The following PCCB variants were observed in gnomAD, a reference collection of about 807,000 sequenced individuals.
PCCB encodes propionyl-CoA carboxylase beta chain, mitochondrial.
In PCCB, 43 loss-of-function variants were observed where a neutral mutation model predicts 60.7. The observed-to-expected ratio is 0.71, with a 90% CI of 0.55 to 0.91. PCCB has a LOEUF of 0.91. PCCB is among the 40% of genes least tolerant of loss of function. PCCB has a pLI of 0.00. For missense variants in PCCB, 766 were observed against 702.8 expected, an observed-to-expected ratio of 1.09 and a Z score of -1.02; for synonymous variants, 276 against 255.9, an observed-to-expected ratio of 1.08 and a Z score of -0.75.
At chr3:136,254,325 T>C (rs910763354) in intron 1 of PCCB, among the ~76,000 whole-genome samples, 3 of 151,734 alleles carry the variant, frequency 2.0e-5, no homozygotes, top group Non-Finnish European at 2.9e-5. Context: ...TTCAAGCGAT[T>C]CTCTTGCCTC....
chr3:136,301,122 C>T lies in PCCB; in HGVS notation c.966+11C>T, dbSNP rs572641617. On this transcript the variant is annotated intron_variant, in intron 9 of 14. Coordinates refer to ENST00000251654, the MANE Select transcript of PCCB (RefSeq NM_000532.5). ...GACATCATACACTCTGTAAGTGCCA[C>T]ATCTGTTTGTCTTGCCTGTCCTAGT... The T allele has an allele frequency of 1.2e-6, 2 of 1,604,918 alleles. No homozygotes were observed. The highest frequency in any genetic ancestry group is 1.1e-5 in the South Asian group (1 of 90,924).
chr3:136,257,926 C>G (rs1301273761), intron 3 of PCCB, among the ~76,000 whole-genome samples: 1 of 152,072 alleles, frequency 6.6e-6, no homozygotes, highest in Non-Finnish European at 1.5e-5. Flanking sequence ...GAGTGAGACT[C>G]CATCTCAAAC....
At chr3:136,298,205 G>C (rs1934024792) in intron 8 of PCCB, 133 bp downstream of exon 8, 1 of 1,063,638 alleles carries the variant, frequency 9.4e-7, no homozygotes, top group Non-Finnish European at 1.4e-6. Flanking sequence ...CCAGGTGTGG[G>C]GATGATGTCA....
intron 10 of PCCB, among the ~76,000 whole-genome samples, chr3:136,321,533 A>G (rs775453223): frequency 2.2e-4 from 33 of 152,210 alleles, no homozygotes; most frequent in Non-Finnish European, 2.9e-5. Context: ...AAGTGCAGGC[A>G]GGGGAAATGC....
chr3:136,307,162 A>G (rs542839812), intron 9 of PCCB, among the ~76,000 whole-genome samples: 1 of 122,664 alleles, frequency 8.2e-6, no homozygotes, highest in African/African-American at 2.5e-5. Flanking sequence ...AGACTGCAGA[A>G]AACCAGTTTT....
chr3:136,278,539 A>G (rs1942392587), intron 5 of PCCB, among the ~76,000 whole-genome samples: 1 of 152,034 alleles, frequency 6.6e-6, no homozygotes, highest in Non-Finnish European at 1.5e-5. Flanking sequence ...TCTCTTGTAG[A>G]TTCTTCTTTT....
chr3:136,250,851 G>T (rs902319778), intron 1 of PCCB, among the ~76,000 whole-genome samples: 4 of 152,220 alleles, frequency 2.6e-5, no homozygotes, highest in African/African-American at 9.6e-5. Flanking sequence ...TTAAATCTCT[G>T]TGGGTCATTT....
chr3:136,300,132 A>G (rs569135319), intron 8 of PCCB, among the ~76,000 whole-genome samples: 3 of 151,680 alleles, frequency 2.0e-5, no homozygotes, highest in East Asian at 1.9e-4. Flanking sequence ...GTATATATGT[A>G]TATCTACACA....
intron 6 of PCCB, among the ~76,000 whole-genome samples, chr3:136,287,740 TAA>T (rs1933485028): frequency 6.6e-6 from 1 of 152,226 alleles, no homozygotes; most frequent in Non-Finnish European, 1.5e-5. Context: ...CCAGTTATAG[TAA>T]ATATTTCTTA....
At chr3:136,308,807 ATCT>A (rs1427967172) in intron 9 of PCCB, among the ~76,000 whole-genome samples, 1 of 152,202 alleles carries the variant, frequency 6.6e-6, no homozygotes, top group Non-Finnish European at 1.5e-5. Context: ...CGGGAAATAA[ATCT>A]TCTAGTAAAC....
chr3:136,313,823 A>G (rs190366607), intron 9 of PCCB, among the ~76,000 whole-genome samples: 28 of 152,300 alleles, frequency 1.8e-4, no homozygotes, highest in African/African-American at 6.3e-4. Flanking sequence ...GCAGTTCTGA[A>G]ACCATTTTCT....
intron 9 of PCCB, among the ~76,000 whole-genome samples, chr3:136,312,610 A>G (rs1009244739): frequency 2.6e-5 from 4 of 152,324 alleles, no homozygotes; most frequent in Admixed American, 2.0e-4. Flanking sequence ...ATAAACTACA[A>G]ATGGGTCAGA....
At chr3:136,277,208 T>G (rs906146307) in intron 5 of PCCB, among the ~76,000 whole-genome samples, 1 of 152,196 alleles carries the variant, frequency 6.6e-6, no homozygotes, top group Non-Finnish European at 1.5e-5. Context: ...AGTAGTGAAC[T>G]GGTCACGTGG....
intron 9 of PCCB, among the ~76,000 whole-genome samples, chr3:136,313,359 A>C (rs960600637): frequency 6.6e-6 from 1 of 151,926 alleles, no homozygotes; most frequent in African/African-American, 2.4e-5. Context: ...TGGTTGAATA[A>C]ACTTTGGTAC....
rs761090456 is a variant in PCCB at position 136,326,944 on chromosome 3, T to TG, written c.1198+35dup. 3 of 1,416,378 alleles carry TG rather than the reference T, an allele frequency of 2.1e-6. No homozygotes were observed. In the South Asian group the frequency reaches 3.4e-5, roughly 16 times the overall value. 87.7% of individuals were successfully genotyped at this position (1,416,378 alleles called of 1,614,324 possible). A position where few individuals can be genotyped will look rare whatever the true frequency, so the allele number is the denominator to read the frequency against. The stretch of plus-strand genomic sequence containing the variant: ...TTGACAGAGTGGGGGCTAGGAGAGT[T>TG]GCCTTTCCCAGTAAGGTGCCCACTT... On this transcript the variant is annotated intron_variant, in intron 11 of 14. Coordinates refer to ENST00000251654, the MANE Select transcript of PCCB (RefSeq NM_000532.5).
intron 7 of PCCB, among the ~76,000 whole-genome samples, chr3:136,295,562 T>A (rs772329532): frequency 2.6e-5 from 4 of 152,256 alleles, no homozygotes; most frequent in Non-Finnish European, 5.9e-5. Context: ...AGCCTGTTTT[T>A]CTTGCTGGTA....
At chr3:136,298,455 A>G (rs1165143367) in intron 8 of PCCB, among the ~76,000 whole-genome samples, 1 of 152,198 alleles carries the variant, frequency 6.6e-6, no homozygotes, top group Non-Finnish European at 1.5e-5. Context: ...AGGAAGAGCC[A>G]TGATTCTTCT....
chr3:136,308,358 C>G (rs1201718936), intron 9 of PCCB, among the ~76,000 whole-genome samples: 2 of 151,844 alleles, frequency 1.3e-5, no homozygotes, highest in Non-Finnish European at 2.9e-5. Context: ...CTCAGCTTCC[C>G]AGGAAGGACA....
At chr3:136,253,456 C>T (rs796659629) in intron 1 of PCCB, among the ~76,000 whole-genome samples, 48 of 151,954 alleles carry the variant, frequency 3.2e-4, no homozygotes, top group African/African-American at 1.1e-3. Context: ...GTGATCGTGG[C>T]TCACTACAAC....
Sources: gnomAD v4.1 joint callset for allele counts (sites outside exome capture counted in the v4.1 genomes callset) on GRCh38, gnomAD v4.1.1 for gene constraint, MANE v1.5 for transcripts, NCBI Gene and HGNC (gene_info 2026-07-23, HGNC 2026-07-21) for gene names.